CACNA2D3: variants seen among roughly 807,000 people sequenced by gnomAD.
CACNA2D3 encodes the protein calcium voltage-gated channel auxiliary subunit alpha2delta 3, also known as voltage-dependent calcium channel subunit alpha-2/delta-3.
A neutral mutation model predicts 160.6 loss-of-function variants in CACNA2D3; 60 were observed. The observed-to-expected ratio is 0.37, with a 90% CI of 0.30 to 0.46. CACNA2D3 has a LOEUF of 0.46. Ranked by LOEUF, CACNA2D3 falls within the 20% of genes least tolerant of loss-of-function variation. The pLI is 1.00. For missense variants in CACNA2D3, 1,205 were observed against 1,365.0 expected, an observed-to-expected ratio of 0.88 and a Z score of 1.85; for synonymous variants, 558 against 492.9, an observed-to-expected ratio of 1.13 and a Z score of -1.75.
chr3:54,453,685 C>T (rs1420702902), intron 4 of CACNA2D3, among the ~76,000 whole-genome samples: 2 of 152,152 alleles, frequency 1.3e-5, no homozygotes, highest in East Asian at 3.9e-4. Flanking sequence ...TCTCTCAATT[C>T]CTTCTTCCTC....
chr3:54,604,494 TC>T (rs1329045572), intron 9 of CACNA2D3, among the ~76,000 whole-genome samples: 42 of 152,294 alleles, frequency 2.8e-4, no homozygotes, highest in African/African-American at 1.0e-3. Flanking sequence ...TCACACCTTC[TC>T]CTAGTCTTCC....
intron 35 of CACNA2D3, among the ~76,000 whole-genome samples, chr3:55,043,953 TTTTAA>T (rs1704017347): frequency 6.6e-6 from 1 of 152,114 alleles, no homozygotes; most frequent in South Asian, 2.1e-4. Context: ...ATTGAACACA[TTTTAA>T]TTTATCTATG....
At chr3:54,821,317 T>C (rs1703585550) in intron 14 of CACNA2D3, among the ~76,000 whole-genome samples, 1 of 152,216 alleles carries the variant, frequency 6.6e-6, no homozygotes, top group Non-Finnish European at 1.5e-5. Flanking sequence ...GATCCCTGTT[T>C]AATAGCCCGA....
At chr3:54,488,933 G>A (rs1376364907) in intron 4 of CACNA2D3, among the ~76,000 whole-genome samples, 1 of 152,158 alleles carries the variant, frequency 6.6e-6, no homozygotes, top group South Asian at 2.1e-4. Flanking sequence ...TGATAACTGA[G>A]CTGAATCCAA....
intron 2 of CACNA2D3, among the ~76,000 whole-genome samples, chr3:54,290,815 A>G (rs1157584107): frequency 2.0e-5 from 3 of 152,080 alleles, no homozygotes; most frequent in Non-Finnish European, 2.9e-5. Context: ...AAGGATAAAA[A>G]ACCAAACACC....
intron 16 of CACNA2D3, among the ~76,000 whole-genome samples, chr3:54,845,222 G>A (rs1256547345): frequency 1.3e-5 from 2 of 152,160 alleles, no homozygotes; most frequent in South Asian, 4.1e-4. Flanking sequence ...GTAGTGCAAC[G>A]GAAACTTTTA....
intron 13 of CACNA2D3, among the ~76,000 whole-genome samples, chr3:54,803,524 G>A (rs1215850026): frequency 1.3e-5 from 2 of 152,034 alleles, no homozygotes; most frequent in South Asian, 2.1e-4. Flanking sequence ...AAAAAGAAAC[G>A]AACAAAGCCT....
At position 54,896,813 on chromosome 3, in the gene CACNA2D3, C is replaced by T. The variant is rs762262817; in HGVS notation, c.2311C>T (p.Arg771Ter). 6.2e-7 allele frequency: 1 copy of T among 1,613,962 alleles called. No individual in the cohort carries two copies. Among genetic ancestry groups the T allele is most frequent in the East Asian group, 2.2e-5 (1 of 44,870 alleles). The change falls in exon 26 of 38, where the codon CGA (arginine) becomes TGA (stop). Residue 771 changes from arginine (R) to a stop codon, truncating the protein, a stop_gained. Transcript: ENST00000474759. LOFTEE classifies it high-confidence loss of function. The stretch of plus-strand genomic sequence containing the variant: ...CGCAGACCATTTCCCTCTCTGGTAC[C>T]GAAGAGCCGCTGAGCAGATTCCAGG... Reference protein sequence around the residue: ...FNADHFPLWYRRAAEQIPGSF... With the variant: ...FNADHFPLWY
chr3:54,222,340 C>G (rs574420449), intron 2 of CACNA2D3, among the ~76,000 whole-genome samples: 8 of 152,282 alleles, frequency 5.3e-5, no homozygotes, highest in African/African-American at 1.9e-4. Context: ...GTTGATGTTT[C>G]AGTTCAAGTG....
At chr3:54,694,494 C>T (rs764799485) in intron 11 of CACNA2D3, among the ~76,000 whole-genome samples, 2 of 152,190 alleles carry the variant, frequency 1.3e-5, no homozygotes, top group Non-Finnish European at 2.9e-5. Context: ...CTCATTTTGC[C>T]TTGGACTGGT....
intron 35 of CACNA2D3, among the ~76,000 whole-genome samples, chr3:55,072,951 G>A (rs79517815): frequency 0.082 from 12,480 of 152,218 alleles, 587 homozygotes; most frequent in African/African-American, 0.1. Context: ...CTGGGCAGAC[G>A]TTGTGCAAAG....
At chr3:54,736,046 C>T (rs7432185) in intron 11 of CACNA2D3, among the ~76,000 whole-genome samples, 45,441 of 69,966 alleles carry the variant, frequency 0.65, 15,940 homozygotes, top group Middle Eastern at 0.73. Flanking sequence ...TATATATATA[C>T]ACATACATAT....
chr3:54,940,403 C>T (rs1265177661), intron 27 of CACNA2D3, among the ~76,000 whole-genome samples: 1 of 152,150 alleles, frequency 6.6e-6, no homozygotes, highest in Non-Finnish European at 1.5e-5. Flanking sequence ...ATTACTGCCT[C>T]GGTGCCTAAT....
At chr3:54,808,045 G>A (rs562668391) in intron 13 of CACNA2D3, among the ~76,000 whole-genome samples, 3 of 122,712 alleles carry the variant, frequency 2.4e-5, no homozygotes, top group East Asian at 2.7e-4. Flanking sequence ...TCACACTCTG[G>A]GGCCTGTTGT....
At chr3:54,758,822 C>T (rs576276780) in intron 12 of CACNA2D3, among the ~76,000 whole-genome samples, 1 of 152,080 alleles carries the variant, frequency 6.6e-6, no homozygotes, top group Non-Finnish European at 1.5e-5. Flanking sequence ...AAAGACTCAA[C>T]AACTCAAAGG....
intron 3 of CACNA2D3, among the ~76,000 whole-genome samples, chr3:54,346,142 A>C (rs531831719): frequency 2.6e-5 from 4 of 152,310 alleles, no homozygotes; most frequent in Non-Finnish European, 5.9e-5. Context: ...TTGTTAGTTC[A>C]GGCCTGATTC....
chr3:54,412,989 T>C (rs892121939), intron 4 of CACNA2D3, among the ~76,000 whole-genome samples: 1 of 151,948 alleles, frequency 6.6e-6, no homozygotes, highest in Admixed American at 6.6e-5. Context: ...CACTCTTCAT[T>C]CCTTCATATA....
intron 11 of CACNA2D3, among the ~76,000 whole-genome samples, chr3:54,661,476 C>G (rs921081917): frequency 6.6e-6 from 1 of 152,132 alleles, no homozygotes; most frequent in Non-Finnish European, 1.5e-5. Context: ...TTCGTCTCCA[C>G]AGAATAATTA....
chr3:54,582,722 A>G (rs1702698515), intron 9 of CACNA2D3, among the ~76,000 whole-genome samples: 1 of 152,216 alleles, frequency 6.6e-6, no homozygotes, highest in Admixed American at 6.5e-5. Flanking sequence ...GCAATGGCCA[A>G]GGCAGGCTTT....
Sources: gnomAD v4.1 joint callset for allele counts (sites outside exome capture counted in the v4.1 genomes callset) on GRCh38, gnomAD v4.1.1 for gene constraint, MANE v1.5 for transcripts, NCBI Gene and HGNC (gene_info 2026-07-23, HGNC 2026-07-21) for gene names.